The following OSBPL10 variants were observed in gnomAD, a reference collection of about 807,000 sequenced individuals.
The protein encoded by OSBPL10 is oxysterol-binding protein-related protein 10.
A neutral mutation model predicts 81.7 loss-of-function variants in OSBPL10; 49 were observed. The observed-to-expected ratio is 0.60, with a 90% confidence interval of 0.48 to 0.76. The LOEUF is 0.76. Ranked by LOEUF, OSBPL10 falls within the 30% of genes least tolerant of loss-of-function variation. The pLI is 0.00. For synonymous variants in OSBPL10, 419 were observed against 383.6 expected (o/e 1.09, Z -1.08); for missense variants, 923 against 987.8 (o/e 0.93, Z 0.88).
intron 1 of OSBPL10, among the ~76,000 whole-genome samples, chr3:31,922,119 C>T (rs4444748): frequency 0.44 from 66,932 of 151,812 alleles, 15,656 homozygotes; most frequent in East Asian, 0.54. Flanking sequence ...AAATGTAATA[C>T]GGTATCCTGG....
chr3:31,890,653 C>T (rs1415252352), intron 1 of OSBPL10, among the ~76,000 whole-genome samples: 1 of 152,102 alleles, frequency 6.6e-6, no homozygotes, highest in East Asian at 1.9e-4. Context: ...ACTCGATCTG[C>T]TTTTAAAGAC....
rs759523693 is a variant in OSBPL10 at position 31,989,077 on chromosome 3, C to T, written n.298+57414G>A. 1.1e-5 allele frequency: 18 copies of T among 1,613,944 alleles called. No homozygotes were observed. In the African/African-American group the frequency reaches 2.0e-4, roughly 18 times the overall value. On this transcript the variant is annotated intron_variant and non_coding_transcript_variant, in intron 2 of 3. Coordinates refer to the OSBPL10 transcript ENST00000479173. Reference sequence around the variant, plus strand: ...CTGCAGCACTATTGATTTCTAAAGACTCATGTTACGTGAGGAAGCAGCTCA... The same window carrying T: ...CTGCAGCACTATTGATTTCTAAAGATTCATGTTACGTGAGGAAGCAGCTCA...
chr3:31,687,783 AGG>A (rs1299315475), intron 7 of OSBPL10, among the ~76,000 whole-genome samples: 3 of 152,118 alleles, frequency 2.0e-5, no homozygotes, highest in African/African-American at 7.2e-5. Context: ...GATTAAGAAG[AGG>A]GGGAAGAGCC....
chr3:31,672,519 G>A (rs1014633388), intron 8 of OSBPL10, among the ~76,000 whole-genome samples: 1 of 151,934 alleles, frequency 6.6e-6, no homozygotes, highest in African/African-American at 2.4e-5. Flanking sequence ...GAGAGATAGG[G>A]TTAATTTGTA....
At chr3:31,808,309 G>A (rs1699572513) in intron 4 of OSBPL10, among the ~76,000 whole-genome samples, 1 of 152,212 alleles carries the variant, frequency 6.6e-6, no homozygotes, top group African/African-American at 2.4e-5. Context: ...GCAAGGAGAG[G>A]TGATGGCCAG....
intron 1 of OSBPL10, among the ~76,000 whole-genome samples, chr3:31,892,606 T>C (rs1410898854): frequency 3.3e-5 from 5 of 152,084 alleles, no homozygotes; most frequent in Non-Finnish European, 5.9e-5. Context: ...CAAACTTTGA[T>C]AAGAACAAGC....
intron 4 of OSBPL10, among the ~76,000 whole-genome samples, chr3:31,824,527 C>T (rs113164791): frequency 6.6e-5 from 10 of 152,228 alleles, no homozygotes; most frequent in African/African-American, 2.2e-4. Flanking sequence ...GCACTGGAAA[C>T]GATCGCAAGG....
At chr3:31,990,101 C>T in intron 2 of OSBPL10, 1 of 1,611,564 alleles carries the variant, frequency 6.2e-7, no homozygotes. Flanking sequence ...GGAGAGAAAC[C>T]ATACAAATGT....
chr3:31,665,369 C>G (rs1182905420), intron 10 of OSBPL10, among the ~76,000 whole-genome samples: 1 of 152,084 alleles, frequency 6.6e-6, no homozygotes, highest in African/African-American at 2.4e-5. Flanking sequence ...GGCCCCTTCA[C>G]CCAGGGGCAA....
intron 1 of OSBPL10, among the ~76,000 whole-genome samples, chr3:31,919,187 G>A (rs1696842361): frequency 6.6e-6 from 1 of 152,070 alleles, no homozygotes; most frequent in African/African-American, 2.4e-5. Flanking sequence ...TCCTTTCTTT[G>A]CCTCTTACAC....
chr3:31,821,736 T>G (rs748624912), intron 4 of OSBPL10, among the ~76,000 whole-genome samples: 3 of 152,234 alleles, frequency 2.0e-5, no homozygotes, highest in African/African-American at 4.8e-5. Context: ...AATCACTCTG[T>G]TCACACAAAG....
chr3:31,821,023 C>G (rs527326789), intron 4 of OSBPL10, among the ~76,000 whole-genome samples: 37 of 152,176 alleles, frequency 2.4e-4, no homozygotes, highest in African/African-American at 7.9e-4. Context: ...TAAACAAATA[C>G]CTAATTTCCA....
chr3:31,888,966 ATC>A (rs1695815239), intron 1 of OSBPL10, among the ~76,000 whole-genome samples: 1 of 152,160 alleles, frequency 6.6e-6, no homozygotes, highest in South Asian at 2.1e-4. Flanking sequence ...TTTAAAAATA[ATC>A]TGATTTTAAA....
chr3:31,710,386 T>C lies in OSBPL10; in HGVS notation c.1096-7878A>G, dbSNP rs114015269. On this transcript the variant is annotated intron_variant, in intron 6 of 11. Transcript: ENST00000396556. ...TGAGGTTGCTGCTAACACTCCTGCATCTTCCTACTTGTGCTGCTCCCCTTC... is the reference window on the plus strand; with the variant it reads ...TGAGGTTGCTGCTAACACTCCTGCACCTTCCTACTTGTGCTGCTCCCCTTC... 2.8e-3 allele frequency among the ~76,000 whole-genome samples: 430 copies of C among 152,266 alleles called. 4 individuals are homozygous for C. The highest frequency in any genetic ancestry group is 9.3e-3 in the African/African-American group (388 of 41,560).
intron 2 of OSBPL10, among the ~76,000 whole-genome samples, chr3:32,031,265 G>A (rs1229944715): frequency 6.6e-6 from 1 of 152,078 alleles, no homozygotes; most frequent in East Asian, 1.9e-4. Context: ...TTCAGGGAGA[G>A]TAACTGTGTT....
intron 2 of OSBPL10, among the ~76,000 whole-genome samples, chr3:32,002,123 CT>C: frequency 6.6e-6 from 1 of 152,286 alleles, no homozygotes; most frequent in East Asian, 1.9e-4. Context: ...ACAAGTCCAT[CT>C]AGGGGAAAAC....
At chr3:31,839,720 G>A (rs1700446173) in intron 3 of OSBPL10, among the ~76,000 whole-genome samples, 1 of 151,694 alleles carries the variant, frequency 6.6e-6, no homozygotes, top group South Asian at 2.1e-4. Flanking sequence ...AAGATGGACA[G>A]TGTGGCAGAG....
chr3:31,800,868 C>T (rs1177741209), intron 4 of OSBPL10, among the ~76,000 whole-genome samples: 5 of 152,270 alleles, frequency 3.3e-5, no homozygotes, highest in Admixed American at 3.3e-4. Context: ...TTTTGGCTTG[C>T]TCTAGGAGGT....
chr3:31,846,018 TTA>T (rs1700620331), intron 3 of OSBPL10, among the ~76,000 whole-genome samples: 1 of 152,116 alleles, frequency 6.6e-6, no homozygotes. Context: ...TTTTTAAAGT[TTA>T]TGTTTCTTTT....
Sources: allele counts gnomAD v4.1 joint callset (sites outside exome capture counted in the v4.1 genomes callset), GRCh38; gene constraint gnomAD v4.1.1; transcripts MANE v1.5; gene names NCBI Gene and HGNC (gene_info 2026-07-23, HGNC 2026-07-21).